Variants in PLA1A observed in about 807,000 individuals in gnomAD.
PLA1A encodes phospholipase A1 member A.
A neutral mutation model predicts 49.4 loss-of-function variants in PLA1A; 47 were observed. The observed-to-expected ratio is 0.95, with a 90% confidence interval of 0.75 to 1.21. The LOEUF is 1.21. Ranked by LOEUF, PLA1A falls within the 50% of genes most tolerant of loss-of-function variation. The probability of loss-of-function intolerance (pLI) is 0.00; values close to 1 mark genes in which losing one functional copy is unlikely to be tolerated. For synonymous variants in PLA1A, 224 were observed against 207.9 expected (o/e 1.08, Z -0.67); for missense variants, 561 against 563.9 (o/e 0.99, Z 0.05).
chr3:119,624,781 C>A (rs1401019486), intron 8 of PLA1A, among the ~76,000 whole-genome samples: 1 of 152,154 alleles, frequency 6.6e-6, no homozygotes, highest in Non-Finnish European at 1.5e-5. Flanking sequence ...CAGGCACCCG[C>A]CACCACACCT....
chr3:119,627,940 T>C (rs906180331), intron 9 of PLA1A, among the ~76,000 whole-genome samples: 1 of 152,198 alleles, frequency 6.6e-6, no homozygotes, highest in Non-Finnish European at 1.5e-5. Flanking sequence ...GTTGATCACT[T>C]CATACTCCTC....
intron 1 of PLA1A, chr3:119,600,219 C>A: frequency 1.7e-6 from 1 of 582,236 alleles, no homozygotes; most frequent in Non-Finnish European, 3.1e-6. Context: ...GGAAGTTCAG[C>A]CTCCACTCAC....
intron 5 of PLA1A, among the ~76,000 whole-genome samples, 171 bp from the exon 6 acceptor site, chr3:119,615,836 AAAAAG>A (rs60240853): frequency 0.17 from 25,928 of 150,856 alleles, 4,803 homozygotes; most frequent in African/African-American, 0.47. Flanking sequence ...AAAAAAAAAG[AAAAAG>A]AAAAGAAAAG....
chr3:119,618,974 T>C (rs1421307364), intron 7 of PLA1A, among the ~76,000 whole-genome samples: 1 of 152,222 alleles, frequency 6.6e-6, no homozygotes, highest in Non-Finnish European at 1.5e-5. Context: ...TCATTGTGCA[T>C]ATGTCAGTTT....
At chr3:119,625,488 A>T (rs1560088835) in intron 9 of PLA1A, among the ~76,000 whole-genome samples, 2 of 152,218 alleles carry the variant, frequency 1.3e-5, no homozygotes, top group African/African-American at 4.8e-5. Flanking sequence ...ATGTCCCAAC[A>T]GATGGAGAGG....
intron 6 of PLA1A, 69 bp from the exon 7 acceptor site, chr3:119,617,950 G>T (rs1260778276): frequency 1.6e-6 from 2 of 1,246,818 alleles, no homozygotes; most frequent in South Asian, 1.5e-5. Flanking sequence ...ATTCAATAGA[G>T]TTTCACTAAA....
chr3:119,608,876 G>A lies in PLA1A; in HGVS notation c.382G>A (p.Val128Ile). Residue 128 changes from valine (V) to isoleucine (I), a missense_variant, in exon 3 of 11, where the codon GTC becomes ATC. Val to Ile is a conservative substitution (Grantham distance 29). Coordinates refer to ENST00000273371, the MANE Select transcript of PLA1A (RefSeq NM_015900.4). ...GGACTGGATTTATGGGTCTACAGGA[G>A]TCTACTTCTCAGCTGTGAAAAATGT... ...AVDWIYGSTG[V>I]YFSAVKNVIK... 6.2e-7 allele frequency: 1 copy of A among 1,614,008 alleles called. No homozygotes were observed. Among genetic ancestry groups the A allele is most frequent in the Middle Eastern group, 1.6e-4 (1 of 6,062 alleles).
At chr3:119,619,754 G>T (rs770970346) in intron 8 of PLA1A, 102 bp downstream of exon 8, 24 of 826,182 alleles carry the variant, frequency 2.9e-5, no homozygotes, top group Non-Finnish European at 4.6e-5. Context: ...AAGAGCAAAG[G>T]CATCACCGGA....
Position 119,604,169 on chromosome 3 carries a change from G to A in PLA1A, c.74-2605G>A, listed in dbSNP as rs112419763. ...GTTGGTAGGAGTGTAAATTAGTATAGCCACTATGGAGAATACGATGGAGGC... is the reference window on the plus strand; with the variant it reads ...GTTGGTAGGAGTGTAAATTAGTATAACCACTATGGAGAATACGATGGAGGC... On this transcript the variant is annotated intron_variant, in intron 1 of 10. Coordinates refer to ENST00000273371, the MANE Select transcript of PLA1A (RefSeq NM_015900.4). 3.4e-3 allele frequency among the ~76,000 whole-genome samples: 510 copies of A among 152,170 alleles called. 1 individual carries two copies. Among genetic ancestry groups the A allele is most frequent in the African/African-American group, 0.012 (493 of 41,530 alleles).
At chr3:119,608,248 GAAAGAA>G (rs1560078850) in intron 2 of PLA1A, among the ~76,000 whole-genome samples, 2 of 78,850 alleles carry the variant, frequency 2.5e-5, no homozygotes, top group Non-Finnish European at 6.5e-5. Context: ...AAGAGAGAAA[GAAAGAA>G]AGAAAGAAAG....
At chr3:119,602,466 G>A (rs543602615) in intron 1 of PLA1A, among the ~76,000 whole-genome samples, 18 of 152,224 alleles carry the variant, frequency 1.2e-4, no homozygotes, top group African/African-American at 3.6e-4. Context: ...TATGGTGTAA[G>A]GAAATCTACT....
At position 119,618,091 on chromosome 3, in the gene PLA1A, C is replaced by A; in HGVS notation, c.827C>A (p.Pro276Gln). 1 of 1,613,952 alleles carries A rather than the reference C, an allele frequency of 6.2e-7. No homozygotes were observed. The highest frequency in any genetic ancestry group is 8.5e-7 in the Non-Finnish European group (1 of 1,179,812). ...LYISALENSC[P>Q]LMAFPCASYK... ...ATCAGCGCCCTGGAGAATTCCTGTC[C>A]ACTGATGGCCTTTCCCTGTGCCAGC... Residue 276 changes from proline to glutamine, a missense_variant, in exon 7 of 11, where the codon CCA becomes CAA. Physicochemically the swap from Pro to Gln is moderately conservative, Grantham distance 76 (BLOSUM62 -1). Transcript: ENST00000273371.
At chr3:119,613,398 G>A (rs1396279459) in intron 5 of PLA1A, among the ~76,000 whole-genome samples, 2 of 152,250 alleles carry the variant, frequency 1.3e-5, no homozygotes, top group Non-Finnish European at 2.9e-5. Context: ...TCAAATGAAT[G>A]CAGTAATAAC....
At chr3:119,608,412 TG>T (rs1425254663) in intron 2 of PLA1A, among the ~76,000 whole-genome samples, 1 of 152,180 alleles carries the variant, frequency 6.6e-6, no homozygotes, top group African/African-American at 2.4e-5. Context: ...ATAACACAAA[TG>T]GAGCAATGCA....
Position 119,618,147 on chromosome 3 carries a change from G to T in PLA1A, c.883G>T (p.Asp295Tyr), listed in dbSNP as rs767966523. Reference protein sequence around the residue: ...YKAFLAGRCLDCFNPFLLSCP... With the variant: ...YKAFLAGRCLYCFNPFLLSCP... ...GGCCTTCCTTGCTGGACGCTGTCTG[G>T]ATTGCTTTAACCCTTTTCTGCTTTC... The change falls in exon 7 of 11, where the codon GAT becomes TAT. Residue 295 changes from aspartate (D) to tyrosine (Y), a missense_variant. Coordinates refer to ENST00000273371, the MANE Select transcript of PLA1A (RefSeq NM_015900.4). 2 of 1,614,092 alleles carry T rather than the reference G, an allele frequency of 1.2e-6. No homozygotes were observed. Among genetic ancestry groups the T allele is most frequent in the African/African-American group, 2.7e-5 (2 of 75,058 alleles).
chr3:119,623,269 A>G (rs780643968), intron 8 of PLA1A, among the ~76,000 whole-genome samples: 2 of 151,512 alleles, frequency 1.3e-5, no homozygotes, highest in Non-Finnish European at 2.9e-5. Flanking sequence ...AGCCTCCCAA[A>G]TAGCTGGGAC....
chr3:119,628,632 G>T, intron 9 of PLA1A, 69 bp from the exon 10 acceptor site: 1 of 1,458,274 alleles, frequency 6.9e-7, no homozygotes, highest in Non-Finnish European at 9.5e-7. Flanking sequence ...GAGCCCGATC[G>T]GAGCCAAAGG....
At chr3:119,600,248 A>G in intron 1 of PLA1A, 1 of 619,600 alleles carries the variant, frequency 1.6e-6, no homozygotes, top group Admixed American at 2.5e-5. Context: ...CTGTGTACCC[A>G]CACAATCTTT....
intron 1 of PLA1A, among the ~76,000 whole-genome samples, chr3:119,604,932 T>G (rs2082666403): frequency 6.6e-6 from 1 of 152,214 alleles, no homozygotes; most frequent in South Asian, 2.1e-4. Flanking sequence ...TTATTACATT[T>G]TATTTAGATG....
Sources: allele counts gnomAD v4.1 joint callset (sites outside exome capture counted in the v4.1 genomes callset), GRCh38; gene constraint gnomAD v4.1.1; transcripts MANE v1.5; gene names NCBI Gene and HGNC (gene_info 2026-07-23, HGNC 2026-07-21).